TRIM59: variants seen among roughly 807,000 people sequenced by gnomAD.
TRIM59 encodes tripartite motif containing 59.
A neutral mutation model predicts 32.2 loss-of-function variants in TRIM59; 14 were observed. The ratio of observed to expected loss-of-function variants is 0.43; its 90% confidence interval spans 0.29 to 0.68. TRIM59 has a LOEUF of 0.68. Among genes scored for constraint, TRIM59 ranks in the 30% least tolerant of loss-of-function variants. The pLI, the probability that TRIM59 is intolerant of heterozygous loss-of-function variation, is 0.15. For missense variants in TRIM59, 471 were observed against 463.3 expected, an observed-to-expected ratio of 1.02 and a Z score of -0.15; for synonymous variants, 163 against 155.1, an observed-to-expected ratio of 1.05 and a Z score of -0.38.
chr3:160,440,875 C>T (rs980405966), intron 2 of TRIM59, among the ~76,000 whole-genome samples: 1 of 152,054 alleles, frequency 6.6e-6, no homozygotes, highest in Admixed American at 6.6e-5. Context: ...TACACCACCG[C>T]ACTCATCTGG....
At position 160,436,732 on chromosome 3, in the gene TRIM59, G is replaced by T; in HGVS notation, c.*1240C>A. 2 of 668,430 alleles carry T rather than the reference G, an allele frequency of 3.0e-6. No individual in the cohort carries two copies. The highest frequency in any genetic ancestry group is 3.7e-6 in the Non-Finnish European group (2 of 541,920). The allele number at this position is 668,430 out of a possible 1,614,324, so 41.4% of individuals were successfully genotyped here. A position where few individuals can be genotyped will look rare whatever the true frequency, so the allele number is the denominator to read the frequency against. On this transcript the variant is annotated 3_prime_UTR_variant, in exon 3 of 3. Transcript: ENST00000309784. ...AGAATGGTGTGAACCCGGGAGGCGG[G>T]GCTTGCAATGAGCCGAGATCACGCC...
chr3:160,438,078 A>G lies in TRIM59; in HGVS notation c.1106T>C (p.Leu369Pro). The change falls in exon 3 of 3, where the codon CTA becomes CCA. Residue 369 changes from leucine (L) to proline (P), a missense_variant. Transcript: ENST00000309784. ...ITLIWFSEAS[L>P]SVYQSLSNSL... ...GTTAGATAAACTTTGGTAAACAGAT[A>G]GAGAGGCTTCAGAAAACCATATTAA... 6.2e-7 allele frequency: 1 copy of G among 1,609,478 alleles called. No homozygotes were observed. Among genetic ancestry groups the G allele is most frequent in the Non-Finnish European group, 8.5e-7 (1 of 1,177,620 alleles).
Position 160,438,287 on chromosome 3 carries a change from G to C in TRIM59, c.897C>G (p.Asn299Lys). The change falls in exon 3 of 3, where the codon AAC (asparagine) becomes AAG (lysine). Residue 299 changes from asparagine to lysine, a missense_variant. By Grantham distance (94) the Asn-to-Lys change is moderately conservative. Transcript: ENST00000309784. Reference sequence around the variant, plus strand: ...AAATTTTCATTTTGGGAATGAGAACGTTCTTAATTTGTCCAATTTCTGTTC... The same window carrying C: ...AAATTTTCATTTTGGGAATGAGAACCTTCTTAATTTGTCCAATTTCTGTTC... ...WSRTEIGQIK[N>K]VLIPKMKISP... 6.2e-7 allele frequency: 1 copy of C among 1,613,724 alleles called. No individual in the cohort carries two copies. Among genetic ancestry groups the C allele is most frequent in the Non-Finnish European group, 8.5e-7 (1 of 1,179,932 alleles).
chr3:160,438,302 A>G lies in TRIM59; in HGVS notation c.882T>C (p.Ile294=). 6.2e-7 allele frequency: 1 copy of G among 1,613,718 alleles called. No homozygotes were observed. Among genetic ancestry groups the G allele is most frequent in the Non-Finnish European group, 8.5e-7 (1 of 1,179,934 alleles). ...ILKEEWSRTE[I]GQIKNVLIPK... ...GAATGAGAACGTTCTTAATTTGTCC[A>G]ATTTCTGTTCTGCTCCATTCTTCTT... The change falls in exon 3 of 3, where the codon ATT becomes ATC. Residue 294 remains isoleucine, a synonymous_variant. Transcript: ENST00000309784.
Position 160,436,758 on chromosome 3 carries a change from A to G in TRIM59, c.*1214T>C. On this transcript the variant is annotated 3_prime_UTR_variant, in exon 3 of 3. Transcript: ENST00000309784. ...GCTTGCAATGAGCCGAGATCACGCC[A>G]CTGCACTCCAGCCTGGGCGACAGAG... 2.7e-6 allele frequency: 2 copies of G among 749,340 alleles called. No individual in the cohort carries two copies. Among genetic ancestry groups the G allele is most frequent in the Non-Finnish European group, 3.2e-6 (2 of 630,224 alleles). 46.4% of individuals were successfully genotyped at this position (749,340 alleles called of 1,614,324 possible).
intron 2 of TRIM59, among the ~76,000 whole-genome samples, chr3:160,445,837 TGA>T (rs1191403520): frequency 6.6e-6 from 1 of 151,168 alleles, no homozygotes; most frequent in African/African-American, 2.4e-5. Context: ...TTTTTGAGAC[TGA>T]GTCTTGCTCT....
Position 160,438,026 on chromosome 3 carries a change from CAGT to C in TRIM59, c.1155_1157del (p.Ile385_Leu386delinsMet). The C allele has an allele frequency of 6.4e-7, 1 of 1,570,436 alleles. No individual in the cohort carries two copies. Among genetic ancestry groups the C allele is most frequent in the Non-Finnish European group, 8.6e-7 (1 of 1,165,814 alleles). ...CCTTCAACAAATAGAAAATGTGACACAGTATATTCTTTACCTTATGCAGACTGT... is the reference window on the plus strand; with the variant it reads ...CCTTCAACAAATAGAAAATGTGACACATATTCTTTACCTTATGCAGACTGT... On this transcript the variant is annotated inframe_deletion, in exon 3 of 3. Coordinates refer to ENST00000309784, the MANE Select transcript of TRIM59 (RefSeq NM_173084.3).
At chr3:160,439,303 A>T in intron 2 of TRIM59, 117 bp from the exon 3 acceptor site, 1 of 812,780 alleles carries the variant, frequency 1.2e-6, no homozygotes, top group South Asian at 4.2e-5. Context: ...AAAGAGAACA[A>T]GGTATTTTTA....
At position 160,437,358 on chromosome 3, in the gene TRIM59, A is replaced by ATTC; in HGVS notation, c.*613_*614insGAA. On this transcript the variant is annotated 3_prime_UTR_variant, in exon 3 of 3. Transcript: ENST00000309784. ...AACAAGGTGAGACCCAGTCTCAAAA[A>ATTC]TTTCTTTTAAAAAGCCACTTTACTC... 1.0e-6 allele frequency: 1 copy of ATTC among 984,454 alleles called. No individual in the cohort carries two copies. Among genetic ancestry groups the ATTC allele is most frequent in the Non-Finnish European group, 1.2e-6 (1 of 829,676 alleles). 61.0% of individuals were successfully genotyped at this position (984,454 alleles called of 1,614,324 possible).
At chr3:160,439,594 C>T (rs969314242) in intron 2 of TRIM59, among the ~76,000 whole-genome samples, 1 of 152,110 alleles carries the variant, frequency 6.6e-6, no homozygotes, top group Admixed American at 6.5e-5. Flanking sequence ...GCAGTTCCCC[C>T]ATACTGTTCT....
chr3:160,443,069 C>T (rs1017796804), intron 2 of TRIM59, among the ~76,000 whole-genome samples: 1 of 151,876 alleles, frequency 6.6e-6, no homozygotes, highest in Non-Finnish European at 1.5e-5. Context: ...CAGTGAGCCA[C>T]GACTGTGCCA....
At position 160,438,866 on chromosome 3, in the gene TRIM59, A is replaced by T; in HGVS notation, c.318T>A (p.Asn106Lys). ...ATTTTTTATCTAATAGACAGTAAACATTTAATGGTTGCCTGTAATGTTCAG... is the reference window on the plus strand; with the variant it reads ...ATTTTTTATCTAATAGACAGTAAACTTTTAATGGTTGCCTGTAATGTTCAG... ...TCPEHYRQPL[N>K]VYCLLDKKLV... The change falls in exon 3 of 3, where the codon AAT becomes AAA. Residue 106 changes from asparagine to lysine, a missense_variant. Asn to Lys is a moderately conservative substitution (Grantham distance 94, BLOSUM62 0). Coordinates refer to ENST00000309784, the MANE Select transcript of TRIM59 (RefSeq NM_173084.3). The T allele has an allele frequency of 6.2e-7, 1 of 1,614,068 alleles. No homozygotes were observed.
In TRIM59 at chr3:160,437,774, T is replaced by C. The variant is rs1560023152; in HGVS notation, c.*198A>G. 8.1e-7 allele frequency: 1 copy of C among 1,237,948 alleles called. No homozygotes were observed. Among genetic ancestry groups the C allele is most frequent in the African/African-American group, 1.6e-5 (1 of 64,230 alleles). 76.7% of individuals were successfully genotyped at this position (1,237,948 alleles called of 1,614,324 possible). ...TATTACTTTTCAAATTGTTACTAGA[T>C]TCTGTTTCCCAAAGATTTGACTATT... is the stretch of plus-strand genomic sequence containing the variant. On this transcript the variant is annotated 3_prime_UTR_variant, in exon 3 of 3. Transcript: ENST00000309784.
chr3:160,436,661 G>A lies in TRIM59; in HGVS notation c.*1311C>T, dbSNP rs1718972300. 1 of 541,126 alleles carries A rather than the reference G, an allele frequency of 1.8e-6. No homozygotes were observed. The allele number at this position is 541,126 out of a possible 1,614,324, so 33.5% of individuals were successfully genotyped here. ...AAAATACAGAAAATTAGCTGGGCGTGGTAGCAGATGCCTGTAGTCCCAGCT... is the reference window on the plus strand; with the variant it reads ...AAAATACAGAAAATTAGCTGGGCGTAGTAGCAGATGCCTGTAGTCCCAGCT... On this transcript the variant is annotated 3_prime_UTR_variant, in exon 3 of 3. Coordinates refer to ENST00000309784, the MANE Select transcript of TRIM59 (RefSeq NM_173084.3).
Position 160,438,643 on chromosome 3 carries a change from C to CCTATAA in TRIM59, c.540_541insTTATAG (p.Gly180_Asp181insLeuTer). 6.2e-7 allele frequency: 1 copy of CCTATAA among 1,612,700 alleles called. No homozygotes were observed. Among genetic ancestry groups the CCTATAA allele is most frequent in the South Asian group, 1.1e-5 (1 of 90,742 alleles). On this transcript the variant is annotated stop_gained and inframe_insertion, in exon 3 of 3. Transcript: ENST00000309784. LOFTEE classifies it high-confidence loss of function. ...AAATACTGGAGAACAGCTTCCTTAT[C>CCTATAA]GCCTTGGATCATTTTCTCAGAATGA... is the stretch of plus-strand genomic sequence containing the variant.
Position 160,438,907 on chromosome 3 carries a change from C to G in TRIM59, c.277G>C (p.Asp93His), listed in dbSNP as rs775137356. 15 of 1,614,076 alleles carry G rather than the reference C, an allele frequency of 9.3e-6. No homozygotes were observed. The South Asian group carries it at 1.6e-4, about 18-fold the overall frequency. ...TAATGTTCAGGGCAGGTGACAATAT[C>G]TGGATGGTCTTCTTGCTGGTACTTT... ...IEKYQQEDHP[D>H]IVTCPEHYRQ... is the part of the protein sequence containing the mutation. The change falls in exon 3 of 3, where the codon GAT becomes CAT. Residue 93 changes from aspartate (D) to histidine (H), a missense_variant. Physicochemically the swap from Asp to His is moderately conservative, Grantham distance 81. Transcript: ENST00000309784.
At position 160,439,082 on chromosome 3, in the gene TRIM59, C is replaced by T; in HGVS notation, c.102G>A (p.Leu34=). 6.4e-7 allele frequency: 1 copy of T among 1,556,654 alleles called. No individual in the cohort carries two copies. The highest frequency in any genetic ancestry group is 8.7e-7 in the Non-Finnish European group (1 of 1,153,680). Residue 34 remains leucine, a synonymous_variant, in exon 3 of 3, where the codon TTG becomes TTA. Transcript: ENST00000309784. ...PCSHTFCRNC[L]ENILQASGNF... ...TACCAGATGCCTGAAGAATGTTTTC[C>T]AAACAATTTCTACAAAATGTATGAG...
At position 160,442,612 on chromosome 3, in the gene TRIM59, CAT is replaced by C. The variant is rs1456557536; in HGVS notation, c.-3-3428_-3-3427del. Among the ~76,000 whole-genome samples, 3 of 151,838 alleles carry C rather than the reference CAT, an allele frequency of 2.0e-5. No individual in the cohort carries two copies. In the East Asian group the frequency reaches 5.8e-4, roughly 29 times the overall value. On this transcript the variant is annotated intron_variant, in intron 2 of 2. Transcript: ENST00000309784. Reference sequence around the variant, plus strand: ...TGGTTGGTCTCAAAGTTACTGCTATCATATGTAAAATTTTTAATAATACTTTT... The same window carrying C: ...TGGTTGGTCTCAAAGTTACTGCTATCATGTAAAATTTTTAATAATACTTTT...
Position 160,438,580 on chromosome 3 carries a change from T to A in TRIM59, c.604A>T (p.Ser202Cys). 6.4e-7 allele frequency: 1 copy of A among 1,572,452 alleles called. No homozygotes were observed. The highest frequency in any genetic ancestry group is 1.8e-5 in the Admixed American group (1 of 57,056). ...LNDTLEQKKK[S>C]FLTALCDVGN... is the part of the protein sequence containing the mutation. ...ACATCACAGAGAGCCGTTAGGAAAC[T>A]TTTTTTTTTCTGTTCTAATGTATCA... The change falls in exon 3 of 3, where the codon AGT becomes TGT. Residue 202 changes from serine to cysteine, a missense_variant. Coordinates refer to ENST00000309784, the MANE Select transcript of TRIM59 (RefSeq NM_173084.3).
Sources: allele counts gnomAD v4.1 joint callset (sites outside exome capture counted in the v4.1 genomes callset), GRCh38; gene constraint gnomAD v4.1.1; transcripts MANE v1.5; gene names NCBI Gene and HGNC (gene_info 2026-07-23, HGNC 2026-07-21).